Variants in HIVEP3 observed in about 807,000 individuals in gnomAD.
HIVEP3 encodes transcription factor HIVEP3.
HIVEP3 carries 49 observed loss-of-function variants against 152.8 expected under a neutral mutation model. The observed-to-expected ratio is 0.32, with a 90% CI of 0.26 to 0.41. The LOEUF (loss-of-function observed/expected upper bound fraction) is 0.41. HIVEP3 is among the 10% of genes least tolerant of loss of function. HIVEP3 has a pLI of 1.00. For missense variants in HIVEP3, 2,790 were observed against 3,103.3 expected (o/e 0.90, Z 2.40); for synonymous variants, 1,269 against 1,289.0 (o/e 0.98, Z 0.33).
chr1:41,710,548 G>T (rs995497296), intron 1 of HIVEP3, among the ~76,000 whole-genome samples: 1 of 152,166 alleles, frequency 6.6e-6, no homozygotes, highest in Non-Finnish European at 1.5e-5. Context: ...TCCAATGGCT[G>T]GTCCCCTGCG....
intron 1 of HIVEP3, among the ~76,000 whole-genome samples, chr1:41,975,657 T>C (rs1022670580): frequency 1.3e-5 from 2 of 152,248 alleles, no homozygotes; most frequent in African/African-American, 4.8e-5. Context: ...CACAGTATAG[T>C]TGAATTCTGC....
At chr1:41,589,712 TG>T (rs1391981688) in intron 3 of HIVEP3, among the ~76,000 whole-genome samples, 2 of 152,126 alleles carry the variant, frequency 1.3e-5, no homozygotes, top group Admixed American at 6.5e-5. Flanking sequence ...TAGATAAGGC[TG>T]GGGCAAGATA....
Position 41,629,972 on chromosome 1 carries a change from A to G in HIVEP3, c.-720-1025T>C, listed in dbSNP as rs529225674. On this transcript the variant is annotated intron_variant, in intron 2 of 8. Transcript: ENST00000372583. ...GTTATTCTGCCAAAAAGACACACGC[A>G]TTTGTATGTTCACTCCAGCACTATT... is the stretch of plus-strand genomic sequence containing the variant. Among the ~76,000 whole-genome samples, 354 of 152,348 alleles carry G rather than the reference A, an allele frequency of 2.3e-3. 1 individual carries two copies. Among genetic ancestry groups the G allele is most frequent in the South Asian group, 5.0e-3 (24 of 4,830 alleles).
intron 1 of HIVEP3, among the ~76,000 whole-genome samples, chr1:42,009,568 C>G (rs1195063589): frequency 6.6e-6 from 1 of 152,176 alleles, no homozygotes; most frequent in African/African-American, 2.4e-5. Flanking sequence ...GAAAACCATT[C>G]TTAGAATTCA....
rs1433133556 is a variant in HIVEP3 at position 41,513,620 on chromosome 1, C to T, written c.5601G>A (p.Glu1867=). 1 of 1,613,932 alleles carries T rather than the reference C, an allele frequency of 6.2e-7. No individual in the cohort carries two copies. The highest frequency in any genetic ancestry group is 1.1e-5 in the South Asian group (1 of 91,068). ...SDLDEDEDED[E]EESQDELSRP... Reference sequence around the variant, plus strand: ...TGGACAGCTCATCCTGGCTCTCCTCCTCATCCTCATCCTCGTCTTCGTCCA... The same window carrying T: ...TGGACAGCTCATCCTGGCTCTCCTCTTCATCCTCATCCTCGTCTTCGTCCA... The change falls in exon 8 of 9, where the codon GAG becomes GAA. Residue 1867 remains glutamate (E), a synonymous_variant. Transcript: ENST00000372583.
At chr1:41,829,588 A>G (rs1009551027) in intron 1 of HIVEP3, among the ~76,000 whole-genome samples, 7 of 151,840 alleles carry the variant, frequency 4.6e-5, no homozygotes, top group Non-Finnish European at 1.0e-4. Context: ...ATACAATTAT[A>G]AATAAATAAA....
intron 5 of HIVEP3, among the ~76,000 whole-genome samples, chr1:41,572,780 C>T (rs1221855937): frequency 6.6e-6 from 1 of 152,246 alleles, no homozygotes; most frequent in Non-Finnish European, 1.5e-5. Context: ...TTGTGTCTGG[C>T]TTACTGATTC....
intron 1 of HIVEP3, among the ~76,000 whole-genome samples, chr1:41,934,524 C>T (rs897439372): frequency 5.9e-5 from 9 of 152,086 alleles, no homozygotes; most frequent in African/African-American, 2.2e-4. Flanking sequence ...CAGCTGTCTA[C>T]ATCTTTGAGA....
At position 41,980,410 on chromosome 1, in the gene HIVEP3, T is replaced by C. The variant is rs182358698; in HGVS notation, n.119+55397A>G. On this transcript the variant is annotated intron_variant and non_coding_transcript_variant, in intron 1 of 3. Transcript: ENST00000489103. ...CATACTGATACATGCTACAATGCGA[T>C]GAATGTCAAAGGCATTCTACTAAGT... Among the ~76,000 whole-genome samples the C allele has an allele frequency of 5.2e-4, 79 of 152,336 alleles. 1 individual carries two copies. The highest frequency in any genetic ancestry group is 9.0e-4 in the Non-Finnish European group (61 of 68,038).
chr1:41,600,281 G>T (rs1257106823), intron 3 of HIVEP3, among the ~76,000 whole-genome samples: 1 of 152,162 alleles, frequency 6.6e-6, no homozygotes, highest in Non-Finnish European at 1.5e-5. Context: ...GTTCATAGCG[G>T]CATGATTTAC....
At chr1:41,687,218 G>A (rs1272226183) in intron 2 of HIVEP3, among the ~76,000 whole-genome samples, 2 of 152,228 alleles carry the variant, frequency 1.3e-5, no homozygotes, top group African/African-American at 4.8e-5. Context: ...GGATATGGGG[G>A]CAAGAAAATC....
chr1:41,596,877 T>C (rs1463921409), intron 3 of HIVEP3, among the ~76,000 whole-genome samples: 1 of 152,178 alleles, frequency 6.6e-6, no homozygotes, highest in East Asian at 1.9e-4. Flanking sequence ...CTTCCCTGGT[T>C]AACTGCAGCC....
intron 3 of HIVEP3, among the ~76,000 whole-genome samples, chr1:41,623,321 A>G (rs1645071496): frequency 6.6e-6 from 1 of 152,180 alleles, no homozygotes; most frequent in South Asian, 2.1e-4. Flanking sequence ...CCCCTCTCCA[A>G]GATAAAAAGG....
At chr1:41,548,084 T>C (rs1445907976) in intron 5 of HIVEP3, among the ~76,000 whole-genome samples, 1 of 152,212 alleles carries the variant, frequency 6.6e-6, no homozygotes, top group East Asian at 1.9e-4. Flanking sequence ...TCAGCTCGAA[T>C]GCCAGGTCCT....
intron 1 of HIVEP3, among the ~76,000 whole-genome samples, chr1:41,952,417 CT>C (rs1490975517): frequency 6.9e-6 from 1 of 145,562 alleles, no homozygotes; most frequent in African/African-American, 2.7e-5. Context: ...CTTTCATTTT[CT>C]TTTGTTCATT....
intron 1 of HIVEP3, among the ~76,000 whole-genome samples, chr1:42,008,809 C>T (rs1031503259): frequency 1.3e-5 from 2 of 152,338 alleles, no homozygotes; most frequent in East Asian, 3.9e-4. Context: ...TTCCTTTGTA[C>T]AGGTATTCTC....
intron 1 of HIVEP3, among the ~76,000 whole-genome samples, chr1:41,750,509 C>A (rs1647142273): frequency 6.6e-6 from 1 of 152,176 alleles, no homozygotes; most frequent in Non-Finnish European, 1.5e-5. Flanking sequence ...TGGGCTGGGG[C>A]TGGGCCTTGG....
chr1:41,912,483 G>A (rs1408139705), intron 1 of HIVEP3, among the ~76,000 whole-genome samples: 1 of 152,142 alleles, frequency 6.6e-6, no homozygotes, highest in Non-Finnish European at 1.5e-5. Context: ...TAATTGGTGT[G>A]CTCTTAAACC....
At chr1:41,568,308 A>G (rs1275034370) in intron 5 of HIVEP3, among the ~76,000 whole-genome samples, 3 of 152,246 alleles carry the variant, frequency 2.0e-5, no homozygotes, top group Non-Finnish European at 4.4e-5. Flanking sequence ...GGGGGCCATG[A>G]GAGTCTCTGG....
Sources: allele counts gnomAD v4.1 joint callset (sites outside exome capture counted in the v4.1 genomes callset), GRCh38; gene constraint gnomAD v4.1.1; transcripts MANE v1.5; gene names NCBI Gene and HGNC (gene_info 2026-07-23, HGNC 2026-07-21).